Variants in MMP9 observed in about 807,000 individuals in gnomAD.
The protein encoded by MMP9 is matrix metallopeptidase 9.
Under a neutral mutation model 76.4 loss-of-function variants are expected in MMP9, and 73 were observed. The ratio of observed to expected loss-of-function variants is 0.96; its 90% CI spans 0.79 to 1.16. The LOEUF is 1.16. Among genes scored for constraint, MMP9 ranks in the 50% most tolerant of loss-of-function variants. The pLI is 0.00. For synonymous variants in MMP9, 412 were observed against 408.4 expected (o/e 1.01, Z -0.11); for missense variants, 943 against 973.0 (o/e 0.97, Z 0.41).
Position 46,012,253 on chromosome 20 carries a change from T to A in MMP9, c.1114T>A (p.Trp372Arg). The change falls in exon 7 of 13, where the codon TGG (tryptophan) becomes AGG (arginine). Residue 372 changes from tryptophan (W) to arginine (R), a missense_variant. Coordinates refer to ENST00000372330, the MANE Select transcript of MMP9 (RefSeq NM_004994.3). Reference sequence around the variant, plus strand: ...CGAGGGCCGCGGAGATGGGCGCCTCTGGTGCGCTACCACCTCGAACTTTGA... The same window carrying A: ...CGAGGGCCGCGGAGATGGGCGCCTCAGGTGCGCTACCACCTCGAACTTTGA... ...TSEGRGDGRLWCATTSNFDSD... is the reference protein window; with the variant it reads ...TSEGRGDGRLRCATTSNFDSD... The A allele has an allele frequency of 6.2e-7, 1 of 1,614,104 alleles. No homozygotes were observed. The highest frequency in any genetic ancestry group is 8.5e-7 in the Non-Finnish European group (1 of 1,180,050).
chr20:46,013,872 C>T lies in MMP9; in HGVS notation c.1750+76C>T. 6.3e-7 allele frequency: 1 copy of T among 1,587,234 alleles called. No individual in the cohort carries two copies. The highest frequency in any genetic ancestry group is 8.6e-7 in the Non-Finnish European group (1 of 1,163,580). ...GAGGCTCAAGAGACCATCGATAACC[C>T]ACGAAACGTCTTGTGCGTTTTAGAA... On this transcript the variant is annotated intron_variant, in intron 10 of 12. Transcript: ENST00000372330. The surrounding 1 kb of genome is among the most constrained non-coding windows in gnomAD (Gnocchi z 4.5).
At position 46,011,234 on chromosome 20, in the gene MMP9, C is replaced by T. The variant is rs200792951; in HGVS notation, c.741C>T (p.Asp247=). ...EGRSYSACTT[D]GRSDGLPWCS... is the part of the protein sequence containing the mutation. ...GCTCCTACTCTGCCTGCACCACCGA[C>T]GGTCGCTCCGACGGCTTGCCCTGGT... The change falls in exon 5 of 13, where the codon GAC becomes GAT. Residue 247 remains aspartate (D), a synonymous_variant. Coordinates refer to ENST00000372330, the MANE Select transcript of MMP9 (RefSeq NM_004994.3). 13 of 1,613,620 alleles carry T rather than the reference C, an allele frequency of 8.1e-6. No individual in the cohort carries two copies. In the Admixed American group the frequency reaches 1.2e-4, roughly 14 times the overall value.
rs1600574666 is a variant in MMP9 at position 46,010,770 on chromosome 20, C to T, written c.520+139C>T. ...CCCTGGCTTATACGGCCCCTCCTGC[C>T]AGACAGTGCACAGGGCCAGGGCGCC... On this transcript the variant is annotated intron_variant, in intron 3 of 12. Coordinates refer to ENST00000372330, the MANE Select transcript of MMP9 (RefSeq NM_004994.3). The T allele has an allele frequency of 2.6e-6, 4 of 1,549,632 alleles. No homozygotes were observed. In the South Asian group the frequency reaches 3.5e-5, roughly 13 times the overall value.
In MMP9 at chr20:46,013,508, G is replaced by T. The variant is rs770951915; in HGVS notation, c.1584G>T (p.Gly528=). ...TCTTCGACGCCATCGCGGAGATTGG[G>T]AACCAGCTGTATTTGTTCAAGGATG... ...VNIFDAIAEI[G]NQLYLFKDGK... is the part of the protein sequence containing the mutation. Residue 528 remains glycine, a synonymous_variant, in exon 9 of 13, where the codon GGG becomes GGT. Transcript: ENST00000372330. This position sits in a 1 kb window ranked among gnomAD's most constrained non-coding sequence, Gnocchi z 4.5. 1 of 1,614,088 alleles carries T rather than the reference G, an allele frequency of 6.2e-7. No individual in the cohort carries two copies. The highest frequency in any genetic ancestry group is 1.7e-5 in the Admixed American group (1 of 60,008).
In MMP9 at chr20:46,013,316, C is replaced by T. The variant is rs2084296065; in HGVS notation, c.1392C>T (p.Pro464=). The change falls in exon 9 of 13, where the codon CCC becomes CCT. Residue 464 remains proline (P), a synonymous_variant. Coordinates refer to ENST00000372330, the MANE Select transcript of MMP9 (RefSeq NM_004994.3). This position sits in a 1 kb window ranked among gnomAD's most constrained non-coding sequence, Gnocchi z 4.5. The part of the protein sequence containing the change: ...PTTTTPQPTA[P]PTVCPTGPPT... ...CCACCACACCGCAGCCCACGGCTCC[C>T]CCGACGGTCTGCCCCACCGGACCCC... 2 of 1,613,850 alleles carry T rather than the reference C, an allele frequency of 1.2e-6. No individual in the cohort carries two copies. The highest frequency in any genetic ancestry group is 1.7e-6 in the Non-Finnish European group (2 of 1,179,960).
Position 46,014,451 on chromosome 20 carries a change from C to T in MMP9, c.1982C>T (p.Thr661Met). 6.4e-7 allele frequency: 1 copy of T among 1,550,486 alleles called. No individual in the cohort carries two copies. The highest frequency in any genetic ancestry group is 1.4e-5 in the African/African-American group (1 of 73,158). The change falls in exon 12 of 13, where the codon ACG becomes ATG. Residue 661 changes from threonine to methionine, a missense_variant. By Grantham distance (81) the Thr-to-Met change is moderately conservative. Coordinates refer to ENST00000372330, the MANE Select transcript of MMP9 (RefSeq NM_004994.3). ...DRMFPGVPLDTHDVFQYREKA... is the reference protein window; with the variant it reads ...DRMFPGVPLDMHDVFQYREKA... ...ATGTTCCCCGGGGTGCCTTTGGACA[C>T]GCACGACGTCTTCCAGTACCGAGGT...
rs960442345 is a variant in MMP9 at position 46,014,225 on chromosome 20, C to A, written c.1852C>A (p.Arg618=). The change falls in exon 11 of 13, where the codon CGG becomes AGG. Residue 618 remains arginine (R), a synonymous_variant. Transcript: ENST00000372330. Reference sequence around the variant, plus strand: ...CGTGGCCCAGGTGACCGGGGCCCTCCGGAGTGGCAGGGGGAAGATGCTGCT... The same window carrying A: ...CGTGGCCCAGGTGACCGGGGCCCTCAGGAGTGGCAGGGGGAAGATGCTGCT... The part of the protein sequence containing the change: ...ADVAQVTGAL[R]SGRGKMLLFS... 4.6e-6 allele frequency: 7 copies of A among 1,506,464 alleles called. No homozygotes were observed. The highest frequency in any genetic ancestry group is 6.2e-6 in the Non-Finnish European group (7 of 1,125,982). The allele number at this position is 1,506,464 out of a possible 1,614,324, so 93.3% of individuals were successfully genotyped here.
chr20:46,010,609 C>A lies in MMP9; in HGVS notation c.498C>A (p.Ile166=), dbSNP rs1440845327. Residue 166 remains isoleucine (I), a synonymous_variant, in exon 3 of 13, where the codon ATC becomes ATA. Transcript: ENST00000372330. ...FTRVYSRDAD[I]VIQFGVAEHG... ...GCGTGTACAGCCGGGACGCAGACAT[C>A]GTCATCCAGTTTGGTGTCGCGGGTG... 1.2e-6 allele frequency: 2 copies of A among 1,613,744 alleles called. No individual in the cohort carries two copies. The highest frequency in any genetic ancestry group is 1.3e-5 in the African/African-American group (1 of 74,938).
intron 2 of MMP9, 151 bp from the exon 3 acceptor site, chr20:46,010,332 A>AAAAAAAAAAAAAAAAC: frequency 1.3e-6 from 1 of 772,996 alleles, no homozygotes; most frequent in Non-Finnish European, 2.0e-6. Flanking sequence ...AAAAAAAAAA[A>AAAAAAAAAAAAAAAAC]AAAAAAAAAC....
At position 46,010,558 on chromosome 20, in the gene MMP9, C is replaced by A. The variant is rs201902138; in HGVS notation, c.447C>A (p.Ser149Arg). 1.2e-6 allele frequency: 2 copies of A among 1,614,212 alleles called. No individual in the cohort carries two copies. The stretch of plus-strand genomic sequence containing the variant: ...TTGCCCGCGCCTTCGCACTGTGGAG[C>A]GCGGTGACGCCGCTCACCTTCACTC... ...DAFARAFALW[S>R]AVTPLTFTRV... The change falls in exon 3 of 13, where the codon AGC becomes AGA. Residue 149 changes from serine (S) to arginine (R), a missense_variant. Transcript: ENST00000372330.
intron 12 of MMP9, among the ~76,000 whole-genome samples, chr20:46,015,433 TTTC>T (rs1174256724): frequency 6.7e-6 from 1 of 148,606 alleles, no homozygotes; most frequent in Middle Eastern, 3.5e-3. Context: ...CTTTCTATAT[TTTC>T]TTTTTTTTTC....
At chr20:46,010,183 G>A (rs575459047) in intron 2 of MMP9, 85 bp downstream of exon 2, 14 of 1,259,868 alleles carry the variant, frequency 1.1e-5, no homozygotes, top group African/African-American at 8.9e-5. Context: ...TCCTGTCTTG[G>A]ACGCGTCCCT....
Position 46,014,162 on chromosome 20 carries a change from G to T in MMP9, c.1789G>T (p.Gly597Cys). The T allele has an allele frequency of 3.3e-6, 5 of 1,537,902 alleles. No homozygotes were observed. The highest frequency in any genetic ancestry group is 4.4e-6 in the Non-Finnish European group (5 of 1,146,462). ...GGTGTACACAGGCGCGTCGGTGCTGGGCCCGAGGCGTCTGGACAAGCTGGG... is the reference window on the plus strand; with the variant it reads ...GGTGTACACAGGCGCGTCGGTGCTGTGCCCGAGGCGTCTGGACAAGCTGGG... ...VWVYTGASVL[G>C]PRRLDKLGLG... Residue 597 changes from glycine (G) to cysteine (C), a missense_variant, in exon 11 of 13, where the codon GGC becomes TGC. Coordinates refer to ENST00000372330, the MANE Select transcript of MMP9 (RefSeq NM_004994.3).
Position 46,011,592 on chromosome 20 carries a change from G to A in MMP9, c.842G>A (p.Gly281Asp). The A allele has an allele frequency of 6.2e-7, 1 of 1,613,526 alleles. No homozygotes were observed. Among genetic ancestry groups the A allele is most frequent in the Non-Finnish European group, 8.5e-7 (1 of 1,179,892 alleles). The change falls in exon 6 of 13, where the codon GGC (glycine) becomes GAC (aspartate). Residue 281 changes from glycine (G) to aspartate (D), a missense_variant. Gly to Asp is a moderately conservative substitution (Grantham distance 94). Transcript: ENST00000372330. ...GCCCCAGGACTCTACACCCAGGACG[G>A]CAATGCTGATGGGAAACCCTGCCAG... Reference protein sequence around the residue: ...CPSERLYTQDGNADGKPCQFP... With the variant: ...CPSERLYTQDDNADGKPCQFP...
intron 12 of MMP9, among the ~76,000 whole-genome samples, chr20:46,015,428 T>C (rs2084312761): frequency 2.0e-5 from 3 of 151,704 alleles, no homozygotes; most frequent in Admixed American, 1.3e-4. Flanking sequence ...CATAGCTTTC[T>C]ATATTTTCTT....
intron 12 of MMP9, among the ~76,000 whole-genome samples, chr20:46,015,607 C>T (rs964287207): frequency 3.3e-5 from 5 of 151,950 alleles, no homozygotes; most frequent in Non-Finnish European, 4.4e-5. Flanking sequence ...CCTGCCACCA[C>T]GCTTGGCTAA....
At chr20:46,015,353 A>G (rs1253368265) in intron 12 of MMP9, among the ~76,000 whole-genome samples, 3 of 152,122 alleles carry the variant, frequency 2.0e-5, no homozygotes, top group Non-Finnish European at 4.4e-5. Flanking sequence ...TTTCAGTGCT[A>G]AGGCCATTGC....
At chr20:46,014,875 T>G (rs1418800137) in intron 12 of MMP9, 1 of 207,994 alleles carries the variant, frequency 4.8e-6, no homozygotes, top group Non-Finnish European at 9.8e-6. Flanking sequence ...TTTCCCCATC[T>G]GTAATATGGG....
At position 46,011,647 on chromosome 20, in the gene MMP9, C is replaced by T. The variant is rs202240835; in HGVS notation, c.897C>T (p.Tyr299=). 1 of 1,614,112 alleles carries T rather than the reference C, an allele frequency of 6.2e-7. No homozygotes were observed. Among genetic ancestry groups the T allele is most frequent in the Non-Finnish European group, 8.5e-7 (1 of 1,180,022 alleles). ...QFPFIFQGQS[Y]SACTTDGRSD... ...CATTCATCTTCCAAGGCCAATCCTA[C>T]TCCGCCTGCACCACGGACGGTCGCT... The change falls in exon 6 of 13, where the codon TAC becomes TAT. Residue 299 remains tyrosine, a synonymous_variant. Transcript: ENST00000372330.
Sources: gnomAD v4.1 joint callset for allele counts (sites outside exome capture counted in the v4.1 genomes callset) on GRCh38, gnomAD v4.1.1 for gene constraint, Gnocchi (gnomAD v3.1) non-coding constraint, MANE v1.5 for transcripts, NCBI Gene and HGNC (gene_info 2026-07-23, HGNC 2026-07-21) for gene names.